SPTLC2: variants seen among roughly 807,000 people sequenced by gnomAD.
SPTLC2 encodes serine palmitoyltransferase long chain base subunit 2.
In SPTLC2, 21 loss-of-function variants were observed where a neutral mutation model predicts 62.0. The ratio of observed to expected loss-of-function variants is 0.34; its 90% CI spans 0.24 to 0.49. The LOEUF (loss-of-function observed/expected upper bound fraction) is 0.49. SPTLC2 is among the 20% of genes least tolerant of loss of function. The probability of loss-of-function intolerance (pLI) is 0.99; values close to 1 mark genes in which losing one functional copy is unlikely to be tolerated. For synonymous variants in SPTLC2, 261 were observed against 261.8 expected (o/e 1.00, Z 0.03); for missense variants, 511 against 713.0 (o/e 0.72, Z 3.23).
intron 4 of SPTLC2, among the ~76,000 whole-genome samples, chr14:77,571,066 T>C (rs2079679675): frequency 6.6e-6 from 1 of 152,178 alleles, no homozygotes; most frequent in Non-Finnish European, 1.5e-5. Context: ...GGATACCCTG[T>C]ACACAGTCAT....
At chr14:77,610,750 A>G (rs2079930931) in intron 1 of SPTLC2, among the ~76,000 whole-genome samples, 1 of 151,866 alleles carries the variant, frequency 6.6e-6, no homozygotes. Context: ...CAGGAGTCTG[A>G]GACCAGCCTG....
At chr14:77,517,924 CTCTG>C in intron 11 of SPTLC2, 110 bp downstream of exon 11, 3 of 1,536,166 alleles carry the variant, frequency 2.0e-6, no homozygotes, top group South Asian at 1.1e-5. Context: ...CTGTCACCCC[CTCTG>C]TCTTAGGTGC....
chr14:77,516,310 C>G (rs777423527), intron 11 of SPTLC2, among the ~76,000 whole-genome samples: 9 of 152,112 alleles, frequency 5.9e-5, no homozygotes, highest in Non-Finnish European at 1.3e-4. Context: ...CCTTAGATAT[C>G]CTAAGGAGAT....
chr14:77,596,657 T>C (rs1484483130), intron 2 of SPTLC2, among the ~76,000 whole-genome samples: 1 of 152,204 alleles, frequency 6.6e-6, no homozygotes, highest in Non-Finnish European at 1.5e-5. Flanking sequence ...TTACCGTAAA[T>C]AGAATCGGTT....
chr14:77,608,048 T>C (rs1254836502), intron 1 of SPTLC2, among the ~76,000 whole-genome samples: 1 of 152,128 alleles, frequency 6.6e-6, no homozygotes, highest in Non-Finnish European at 1.5e-5. Flanking sequence ...CTGAAGCCCT[T>C]GGTAAGACAA....
intron 2 of SPTLC2, among the ~76,000 whole-genome samples, chr14:77,590,279 C>A (rs1184281887): frequency 2.0e-5 from 3 of 152,214 alleles, no homozygotes; most frequent in African/African-American, 7.2e-5. Context: ...CGCCTGGCCT[C>A]TGGCCTTGTA....
Position 77,507,560 on chromosome 14 carries a change from G to T in SPTLC2, c.*4724C>A, listed in dbSNP as rs1468239201. 1 of 152,166 alleles carries T rather than the reference G, an allele frequency of 6.6e-6. No individual in the cohort carries two copies. The highest frequency in any genetic ancestry group is 2.4e-5 in the African/African-American group (1 of 41,400). The allele number at this position is 152,166 out of a possible 1,614,324, so 9.4% of individuals were successfully genotyped here. On this transcript the variant is annotated 3_prime_UTR_variant, in exon 12 of 12. Coordinates refer to ENST00000216484, the MANE Select transcript of SPTLC2 (RefSeq NM_004863.4). ...TTGGCCAGACTGTTCTCGAACTCCT[G>T]GCCTCAAGCAATCTGCCTGCTTCAG... is the stretch of plus-strand genomic sequence containing the variant.
intron 10 of SPTLC2, among the ~76,000 whole-genome samples, chr14:77,520,614 A>G (rs2079380773): frequency 6.6e-6 from 1 of 152,240 alleles, no homozygotes; most frequent in Non-Finnish European, 1.5e-5. Context: ...CACTTTGCAT[A>G]TAATAAAATT....
At chr14:77,537,135 C>G (rs929216528) in intron 9 of SPTLC2, among the ~76,000 whole-genome samples, 3 of 151,826 alleles carry the variant, frequency 2.0e-5, no homozygotes, top group Admixed American at 6.6e-5. Context: ...CTTGGCAAGG[C>G]TGATGAACTC....
chr14:77,590,391 G>A (rs1162345259), intron 2 of SPTLC2, among the ~76,000 whole-genome samples: 1 of 152,186 alleles, frequency 6.6e-6, no homozygotes, highest in African/African-American at 2.4e-5. Flanking sequence ...TTTGTATTCT[G>A]GTGGAAGAGA....
At chr14:77,574,138 C>T (rs535776365) in intron 4 of SPTLC2, among the ~76,000 whole-genome samples, 1 of 152,300 alleles carries the variant, frequency 6.6e-6, no homozygotes, top group South Asian at 2.1e-4. Flanking sequence ...TTTTAAGTCA[C>T]TCTGTTCTGA....
rs942622382 is a variant in SPTLC2 at position 77,510,874 on chromosome 14, T to C, written c.*1410A>G. ...AGACAAACTGATCCTGGGTATAATA[T>C]GCCAAAAGTCCTCTTCACTTAAACT... On this transcript the variant is annotated 3_prime_UTR_variant, in exon 12 of 12. Coordinates refer to ENST00000216484, the MANE Select transcript of SPTLC2 (RefSeq NM_004863.4). The C allele has an allele frequency of 2.0e-5, 3 of 152,650 alleles. No individual in the cohort carries two copies. The highest frequency in any genetic ancestry group is 7.2e-5 in the African/African-American group (3 of 41,446). The allele number at this position is 152,650 out of a possible 1,614,324, so 9.5% of individuals were successfully genotyped here.
chr14:77,521,402 T>C (rs977547434), intron 10 of SPTLC2, 44 bp downstream of exon 10: 3 of 1,613,466 alleles, frequency 1.9e-6, no homozygotes, highest in South Asian at 1.1e-5. Flanking sequence ...ACATCACAGA[T>C]AAGGATAAGG....
chr14:77,603,427 G>A (rs2079888498), intron 1 of SPTLC2, among the ~76,000 whole-genome samples: 1 of 152,158 alleles, frequency 6.6e-6, no homozygotes, highest in Non-Finnish European at 1.5e-5. Context: ...CAATTTTACT[G>A]AAATGTACTG....
chr14:77,528,419 C>G (rs778104881), intron 9 of SPTLC2, among the ~76,000 whole-genome samples: 1 of 152,000 alleles, frequency 6.6e-6, no homozygotes, highest in African/African-American at 2.4e-5. Flanking sequence ...TTAGTAGAGA[C>G]GGGGTTTCTC....
At chr14:77,560,460 A>G (rs746089519) in intron 6 of SPTLC2, among the ~76,000 whole-genome samples, 5 of 151,846 alleles carry the variant, frequency 3.3e-5, no homozygotes, top group Non-Finnish European at 5.9e-5. Flanking sequence ...ACAAAAAACA[A>G]AAAACTTGGC....
intron 3 of SPTLC2, among the ~76,000 whole-genome samples, chr14:77,577,625 C>T (rs2079723836): frequency 6.6e-6 from 1 of 152,182 alleles, no homozygotes; most frequent in African/African-American, 2.4e-5. Flanking sequence ...GTAGGCCGGG[C>T]ACGGTGGCTC....
At chr14:77,551,209 C>T (rs533413024) in intron 9 of SPTLC2, among the ~76,000 whole-genome samples, 10 of 151,844 alleles carry the variant, frequency 6.6e-5, no homozygotes, top group Admixed American at 5.2e-4. Flanking sequence ...CTGGCTAATG[C>T]GGTGAAATCC....
rs1358842027 is a variant in SPTLC2, at chr14:77,507,027, C to T, written c.*5257G>A. 2 of 152,294 alleles carry T rather than the reference C, an allele frequency of 1.3e-5. No homozygotes were observed. The highest frequency in any genetic ancestry group is 2.1e-4 in the South Asian group (1 of 4,822). The allele number at this position is 152,294 out of a possible 1,614,324, so 9.4% of individuals were successfully genotyped here. On this transcript the variant is annotated 3_prime_UTR_variant, in exon 12 of 12. Transcript: ENST00000216484. ...CACTATGTAGTAAACAAAACCTTGT[C>T]CCCAGCTCCACCAAGCCACTCCCAA... is the stretch of plus-strand genomic sequence containing the variant.
Sources: allele counts gnomAD v4.1 joint callset (sites outside exome capture counted in the v4.1 genomes callset), GRCh38; gene constraint gnomAD v4.1.1; transcripts MANE v1.5; gene names NCBI Gene and HGNC (gene_info 2026-07-23, HGNC 2026-07-21).